CDK14: variants seen among roughly 807,000 people sequenced by gnomAD.
CDK14 encodes cyclin-dependent kinase 14.
In CDK14, 34 loss-of-function variants were observed where a neutral mutation model predicts 60.7. The observed-to-expected ratio is 0.56, with a 90% CI of 0.43 to 0.75. The LOEUF is 0.75. Among genes scored for constraint, CDK14 ranks in the 30% least tolerant of loss-of-function variants. The probability of loss-of-function intolerance (pLI) is 0.00; values close to 1 mark genes in which losing one functional copy is unlikely to be tolerated. For missense variants in CDK14, 482 were observed against 564.1 expected (o/e 0.85, Z 1.47); for synonymous variants, 197 against 203.7 (o/e 0.97, Z 0.28).
At chr7:90,863,668 A>AGATG (rs1791078744) in intron 6 of CDK14, among the ~76,000 whole-genome samples, 1 of 48,848 alleles carries the variant, frequency 2.0e-5, no homozygotes, top group African/African-American at 7.0e-5. Flanking sequence ...GCTTATTAAG[A>AGATG]TATGTGTGTG....
At chr7:90,969,458 G>T (rs1211086935) in intron 9 of CDK14, among the ~76,000 whole-genome samples, 1 of 152,112 alleles carries the variant, frequency 6.6e-6, no homozygotes, top group Non-Finnish European at 1.5e-5. Flanking sequence ...TGTGTCTTTT[G>T]CTTTGATTTT....
chr7:90,705,934 ATC>A (rs1364394053), intron 2 of CDK14, among the ~76,000 whole-genome samples: 1 of 151,898 alleles, frequency 6.6e-6, no homozygotes, highest in Non-Finnish European at 1.5e-5. Context: ...GTTTATTATA[ATC>A]TCTTTTAAAA....
intron 4 of CDK14, among the ~76,000 whole-genome samples, chr7:90,769,654 A>G (rs1804708122): frequency 6.6e-6 from 1 of 151,922 alleles, no homozygotes; most frequent in Admixed American, 6.5e-5. Context: ...TTTAGTAGAG[A>G]CGGGGTTTTG....
At chr7:91,024,217 A>G (rs1309435945) in intron 10 of CDK14, among the ~76,000 whole-genome samples, 2 of 152,136 alleles carry the variant, frequency 1.3e-5, no homozygotes, top group African/African-American at 4.8e-5. Context: ...AGTACTTTTC[A>G]TGTATTACCT....
chr7:90,677,658 T>C (rs938808590), intron 2 of CDK14, among the ~76,000 whole-genome samples: 5 of 150,734 alleles, frequency 3.3e-5, no homozygotes, highest in African/African-American at 7.3e-5. Flanking sequence ...GTTTTTTTTT[T>C]CCCCTTGTGA....
chr7:90,768,607 T>G (rs1804660919), intron 4 of CDK14, among the ~76,000 whole-genome samples: 1 of 152,346 alleles, frequency 6.6e-6, no homozygotes, highest in South Asian at 2.1e-4. Context: ...AATTGTCCTC[T>G]TTTTTCGAAT....
chr7:90,933,525 G>A (rs765466744), intron 8 of CDK14, among the ~76,000 whole-genome samples: 1 of 152,164 alleles, frequency 6.6e-6, no homozygotes, highest in Non-Finnish European at 1.5e-5. Flanking sequence ...ACAGAGGGCT[G>A]TAGATTGTTT....
intron 10 of CDK14, among the ~76,000 whole-genome samples, chr7:91,033,315 A>C (rs1198946742): frequency 6.6e-6 from 1 of 152,194 alleles, no homozygotes; most frequent in African/African-American, 2.4e-5. Flanking sequence ...CTGACACCAC[A>C]GAACTTGAAA....
intron 10 of CDK14, among the ~76,000 whole-genome samples, chr7:90,994,594 G>A (rs1225305863): frequency 1.3e-5 from 2 of 152,156 alleles, no homozygotes; most frequent in Admixed American, 6.5e-5. Flanking sequence ...CAGCTTTGTA[G>A]GGAAAAACTC....
Position 91,207,291 on chromosome 7 carries a change from C to G in CDK14, c.*155C>G, listed in dbSNP as rs561478326. The G allele has an allele frequency of 2.6e-5, 4 of 152,292 alleles. No individual in the cohort carries two copies. Among genetic ancestry groups the G allele is most frequent in the African/African-American group, 9.6e-5 (4 of 41,576 alleles). The allele number at this position is 152,292 out of a possible 1,614,324, so 9.4% of individuals were successfully genotyped here. A position where few individuals can be genotyped will look rare whatever the true frequency, so the allele number is the denominator to read the frequency against. The stretch of plus-strand genomic sequence containing the variant: ...GATTTCACTTACAAGAAAATTGAAG[C>G]TGGCAAGACCCTGTTTTCTCTGCAA... On this transcript the variant is annotated 3_prime_UTR_variant, in exon 15 of 15. Coordinates refer to ENST00000380050, the MANE Select transcript of CDK14 (RefSeq NM_001287135.2).
intron 2 of CDK14, among the ~76,000 whole-genome samples, chr7:90,672,744 G>C (rs1801122926): frequency 6.6e-6 from 1 of 151,748 alleles, no homozygotes; most frequent in African/African-American, 2.4e-5. Context: ...GGTTGGCCTT[G>C]AACTCCTGGG....
At chr7:90,655,106 TCTTTCA>T (rs1334943006) in intron 2 of CDK14, among the ~76,000 whole-genome samples, 1 of 152,202 alleles carries the variant, frequency 6.6e-6, no homozygotes, top group Non-Finnish European at 1.5e-5. Context: ...CAAACTGGCT[TCTTTCA>T]CTTAGCAGTA....
At chr7:91,193,111 C>T (rs1802422585) in intron 14 of CDK14, among the ~76,000 whole-genome samples, 1 of 152,294 alleles carries the variant, frequency 6.6e-6, no homozygotes, top group Non-Finnish European at 1.5e-5. Context: ...AAAGGAATTT[C>T]CTTCAAGCAT....
chr7:91,039,047 T>G (rs1336123807), intron 10 of CDK14, among the ~76,000 whole-genome samples: 2 of 152,000 alleles, frequency 1.3e-5, no homozygotes, highest in Non-Finnish European at 2.9e-5. Context: ...CACACACACA[T>G]GCATACCTCT....
intron 12 of CDK14, among the ~76,000 whole-genome samples, chr7:91,108,465 G>A (rs985483006): frequency 8.5e-5 from 13 of 152,138 alleles, no homozygotes; most frequent in African/African-American, 2.4e-4. Flanking sequence ...TAGAGATATT[G>A]GGTGCCAAAA....
intron 10 of CDK14, among the ~76,000 whole-genome samples, chr7:91,044,778 T>G (rs147277114): frequency 6.6e-6 from 1 of 152,294 alleles, no homozygotes; most frequent in African/African-American, 2.4e-5. Flanking sequence ...TTATCCAATA[T>G]AGTTGGAATG....
At chr7:91,181,274 A>G (rs1159897210) in intron 14 of CDK14, among the ~76,000 whole-genome samples, 4 of 152,188 alleles carry the variant, frequency 2.6e-5, no homozygotes, top group Non-Finnish European at 5.9e-5. Flanking sequence ...GGAAGAAGCC[A>G]AATGACTTGT....
intron 4 of CDK14, among the ~76,000 whole-genome samples, chr7:90,768,309 A>G (rs1804647899): frequency 1.3e-5 from 2 of 152,258 alleles, no homozygotes; most frequent in African/African-American, 2.4e-5. Context: ...ATCAGCATGT[A>G]TAGTTATGTT....
intron 2 of CDK14, among the ~76,000 whole-genome samples, chr7:90,702,124 A>C (rs959206461): frequency 1.3e-5 from 2 of 152,152 alleles, no homozygotes; most frequent in African/African-American, 4.8e-5. Flanking sequence ...TGGAAAAACC[A>C]TTCCCCAGGA....
Sources: gnomAD v4.1 joint callset for allele counts (sites outside exome capture counted in the v4.1 genomes callset) on GRCh38, gnomAD v4.1.1 for gene constraint, MANE v1.5 for transcripts, NCBI Gene and HGNC (gene_info 2026-07-23, HGNC 2026-07-21) for gene names.